Variants in TRPV3 observed in about 807,000 individuals in gnomAD.
TRPV3 encodes the protein transient receptor potential cation channel subfamily V member 3, also known as VRL-3.
In TRPV3, 88 loss-of-function variants were observed where a neutral mutation model predicts 87.1. The observed-to-expected ratio is 1.01, with a 90% confidence interval of 0.85 to 1.21. The LOEUF (loss-of-function observed/expected upper bound fraction) is 1.21. TRPV3 is among the 50% of genes most tolerant of loss of function. TRPV3 has a pLI of 0.00. For missense variants in TRPV3, 1,054 were observed against 1,030.1 expected, an observed-to-expected ratio of 1.02 and a Z score of -0.32; for synonymous variants, 438 against 423.3, an observed-to-expected ratio of 1.03 and a Z score of -0.43.
rs565476308 is a variant in TRPV3 at position 3,537,959 on chromosome 17, G to A, written c.644-2246C>T. Among the ~76,000 whole-genome samples the A allele has an allele frequency of 7.5e-4, 114 of 151,134 alleles. 1 individual carries two copies. Among genetic ancestry groups the A allele is most frequent in the African/African-American group, 2.7e-3 (111 of 41,152 alleles). On this transcript the variant is annotated intron_variant, in intron 6 of 17. Coordinates refer to ENST00000576742, the MANE Select transcript of TRPV3 (RefSeq NM_145068.4). ...CACACCTGTAATCCCAGCACTTTGG[G>A]AGGCTGAGGCGGGCAGATCACGAGG...
At chr17:3,527,880 C>T in intron 11 of TRPV3, 145 bp downstream of exon 11, 1 of 648,432 alleles carries the variant, frequency 1.5e-6, no homozygotes, top group Non-Finnish European at 2.7e-6. Flanking sequence ...TCCATTTTTT[C>T]CCATGTTATA....
In TRPV3 at chr17:3,535,637, G is replaced by C. The variant is rs758510130; in HGVS notation, c.720C>G (p.Asp240Glu). ...IAALLIAAGA[D>E]VNAHAKGAFF... ...AGGCCCCCTTGGCGTGCGCGTTGAC[G>C]TCGGCGCCGGCGGCGATGAGCAGGG... The change falls in exon 7 of 18, where the codon GAC (aspartate) becomes GAG (glutamate). Residue 240 changes from aspartate (D) to glutamate (E), a missense_variant. Coordinates refer to ENST00000576742, the MANE Select transcript of TRPV3 (RefSeq NM_145068.4). 6.2e-7 allele frequency: 1 copy of C among 1,608,864 alleles called. No individual in the cohort carries two copies. The highest frequency in any genetic ancestry group is 1.3e-5 in the African/African-American group (1 of 74,518).
chr17:3,555,064 C>T (rs1380656142), intron 1 of TRPV3, among the ~76,000 whole-genome samples: 2 of 152,180 alleles, frequency 1.3e-5, no homozygotes, highest in Non-Finnish European at 2.9e-5. Context: ...CCCCCAAATG[C>T]TATGGTCCTA....
At chr17:3,520,808 T>C (rs527714490) in intron 14 of TRPV3, among the ~76,000 whole-genome samples, 165 bp downstream of exon 14, 5 of 152,114 alleles carry the variant, frequency 3.3e-5, no homozygotes, top group African/African-American at 4.8e-5. Flanking sequence ...TAATAAAATA[T>C]ATATGTATAT....
Position 3,556,879 on chromosome 17 carries a change from G to A in TRPV3, c.-3+797C>T, listed in dbSNP as rs945039782. On this transcript the variant is annotated intron_variant, in intron 1 of 17. Coordinates refer to ENST00000576742, the MANE Select transcript of TRPV3 (RefSeq NM_145068.4). The surrounding 1 kb of genome is among the most constrained non-coding windows in gnomAD (Gnocchi z 4.2). ...GTGGACTAAAAGGCTGGGATGCACC[G>A]AGCGTGAAGGAGACAGAAGAAGGGC... Among the ~76,000 whole-genome samples the A allele has an allele frequency of 7.9e-5, 12 of 152,164 alleles. No homozygotes were observed. Among genetic ancestry groups the A allele is most frequent in the African/African-American group, 1.9e-4 (8 of 41,440 alleles).
chr17:3,543,537 A>G lies in TRPV3; in HGVS notation c.403T>C (p.Leu135=), dbSNP rs1435420337. The stretch of plus-strand genomic sequence containing the variant: ...TGCAGCTCCACCAGCAACTCTACCA[A>G]CTCCTCCACGCAGCCCTCAGACACG... ...AAVSEGCVEE[L]VELLVELQEL... The change falls in exon 5 of 18, where the codon TTG becomes CTG. Residue 135 remains leucine, a synonymous_variant. Transcript: ENST00000576742. The G allele has an allele frequency of 1.1e-5, 18 of 1,612,656 alleles. No homozygotes were observed. Among genetic ancestry groups the G allele is most frequent in the Non-Finnish European group, 1.4e-5 (17 of 1,179,632 alleles).
intron 2 of TRPV3, among the ~76,000 whole-genome samples, chr17:3,551,793 C>T (rs1242782360): frequency 2.0e-5 from 3 of 151,100 alleles, no homozygotes; most frequent in Non-Finnish European, 2.9e-5. Flanking sequence ...TCCAGACTCC[C>T]TGGTGCCTTT....
rs759649855 is a variant in TRPV3 at position 3,520,995 on chromosome 17, C to T, written c.1788G>A (p.Val596=). Residue 596 remains valine, a synonymous_variant, in exon 14 of 18, where the codon GTG becomes GTA. Transcript: ENST00000576742. ...DVLKFLFVYI[V]FLLGFGVALA... ...TACCTACTCCAAATCCAAGCAAAAA[C>T]ACGATATATACAAACAAGAACTTCA... 32 of 1,606,648 alleles carry T rather than the reference C, an allele frequency of 2.0e-5. No homozygotes were observed. The Admixed American group carries it at 4.7e-4, about 24-fold the overall frequency.
At position 3,528,782 on chromosome 17, in the gene TRPV3, C is replaced by T; in HGVS notation, c.1401+55G>A. The T allele has an allele frequency of 5.0e-6, 8 of 1,606,016 alleles. No individual in the cohort carries two copies. Among genetic ancestry groups the T allele is most frequent in the Non-Finnish European group, 6.8e-6 (8 of 1,175,404 alleles). The stretch of plus-strand genomic sequence containing the variant: ...TTTCCCACCTGCACGTGGGGCAGCT[C>T]CAAGCCCCTCCAGCTCTGACGGCCC... On this transcript the variant is annotated intron_variant, in intron 10 of 17. Transcript: ENST00000576742. The surrounding 1 kb of genome is among the most constrained non-coding windows in gnomAD (Gnocchi z 4.2).
Position 3,513,801 on chromosome 17 carries a change from G to T in TRPV3, c.*116C>A. ...AGCACTGAGCACGAGGGTGCACTCT[G>T]CTTCTAGGCCAGCAGAGCCGGACTC... On this transcript the variant is annotated 3_prime_UTR_variant, in exon 18 of 18. Coordinates refer to ENST00000576742, the MANE Select transcript of TRPV3 (RefSeq NM_145068.4). The T allele has an allele frequency of 1.2e-6, 1 of 861,270 alleles. No individual in the cohort carries two copies. The highest frequency in any genetic ancestry group is 1.9e-6 in the Non-Finnish European group (1 of 532,470). 53.4% of individuals were successfully genotyped at this position (861,270 alleles called of 1,614,324 possible).
chr17:3,513,924 G>C lies in TRPV3; in HGVS notation c.2366C>G (p.Ser789Trp). The change falls in exon 18 of 18, where the codon TCG becomes TGG. Residue 789 changes from serine (S) to tryptophan (W), a missense_variant. By Grantham distance (177) the Ser-to-Trp change is radical. Coordinates refer to ENST00000576742, the MANE Select transcript of TRPV3 (RefSeq NM_145068.4). The part of the protein sequence containing the change: ...FEEVEEFPET[S>W]V ...CAGCTCTGGGTTCCGCTTCTACACC[G>C]AGGTTTCCGGGAATTCCTCGACTTC... The C allele has an allele frequency of 6.2e-7, 1 of 1,614,046 alleles. No individual in the cohort carries two copies. Among genetic ancestry groups the C allele is most frequent in the Non-Finnish European group, 8.5e-7 (1 of 1,179,894 alleles).
chr17:3,551,667 T>C (rs551325604), intron 2 of TRPV3, among the ~76,000 whole-genome samples: 1 of 124,372 alleles, frequency 8.0e-6, no homozygotes, highest in East Asian at 2.1e-4. Context: ...AGTCTGTATC[T>C]CTGTCTCTGG....
At position 3,528,891 on chromosome 17, in the gene TRPV3, G is replaced by T; in HGVS notation, c.1347C>A (p.Phe449Leu). 2 of 1,614,192 alleles carry T rather than the reference G, an allele frequency of 1.2e-6. No individual in the cohort carries two copies. Among genetic ancestry groups the T allele is most frequent in the Non-Finnish European group, 8.5e-7 (1 of 1,180,020 alleles). The change falls in exon 10 of 18, where the codon TTC (phenylalanine) becomes TTA (leucine). Residue 449 changes from phenylalanine to leucine, a missense_variant. Transcript: ENST00000576742. This position sits in a 1 kb window ranked among gnomAD's most constrained non-coding sequence, Gnocchi z 4.2. ...CGAGGGTCAGGGTGATGTTGTAGAA[G>T]AAATAAAAGCAGAAGGACAGAAAGA... The part of the protein sequence containing the change: ...HMFFLSFCFY[F>L]FYNITLTLVS...
intron 6 of TRPV3, among the ~76,000 whole-genome samples, chr17:3,540,523 G>A (rs960595937): frequency 6.6e-6 from 1 of 152,174 alleles, no homozygotes; most frequent in Non-Finnish European, 1.5e-5. Flanking sequence ...AGTCTTCACA[G>A]AAACACTAAC....
At position 3,518,453 on chromosome 17, in the gene TRPV3, T is replaced by C. The variant is rs1357766237; in HGVS notation, c.2085+123A>G. ...GGCCTCCTCAAACCTGGCCACACAC[T>C]GAGGAGCTTGTGCAGATTCTCAGGC... On this transcript the variant is annotated intron_variant, in intron 15 of 17. Transcript: ENST00000576742. This position sits in a 1 kb window ranked among gnomAD's most constrained non-coding sequence, Gnocchi z 4.3. 1 of 1,192,568 alleles carries C rather than the reference T, an allele frequency of 8.4e-7. No homozygotes were observed. The highest frequency in any genetic ancestry group is 2.7e-5 in the Admixed American group (1 of 36,718). The allele number at this position is 1,192,568 out of a possible 1,614,324, so 73.9% of individuals were successfully genotyped here.
Position 3,530,749 on chromosome 17 carries a change from G to A in TRPV3, c.1066-546C>T, listed in dbSNP as rs2074342219. ...ACTCTGCTGCATGTTAGGGCTGCTG[G>A]GAAACTTAGAAATTCCCACAGCATG... On this transcript the variant is annotated intron_variant, in intron 8 of 17. Transcript: ENST00000576742. The surrounding 1 kb of genome is among the most constrained non-coding windows in gnomAD (Gnocchi z 4.0). 6.6e-6 allele frequency among the ~76,000 whole-genome samples: 1 copy of A among 152,100 alleles called. No homozygotes were observed. The highest frequency in any genetic ancestry group is 2.4e-5 in the African/African-American group (1 of 41,408).
Position 3,524,326 on chromosome 17 carries a change from A to G in TRPV3, c.1615T>C (p.Leu539=). The change falls in exon 13 of 18, where the codon TTG becomes CTG. Residue 539 remains leucine (L), a synonymous_variant. Transcript: ENST00000576742. ...TACTCTTTGTAGGCAAACAAGTACA[A>G]GAAGACAGACAGTATCACAAGCACA... The part of the protein sequence containing the change: ...QAVLVILSVF[L]YLFAYKEYLA... 1.2e-6 allele frequency: 2 copies of G among 1,614,280 alleles called. No individual in the cohort carries two copies. Among genetic ancestry groups the G allele is most frequent in the Non-Finnish European group, 1.7e-6 (2 of 1,180,048 alleles).
Position 3,528,787 on chromosome 17 carries a change from C to T in TRPV3, c.1401+50G>A, listed in dbSNP as rs1460930842. 1 of 1,607,824 alleles carries T rather than the reference C, an allele frequency of 6.2e-7. No homozygotes were observed. Among genetic ancestry groups the T allele is most frequent in the Non-Finnish European group, 8.5e-7 (1 of 1,176,624 alleles). On this transcript the variant is annotated intron_variant, in intron 10 of 17. Transcript: ENST00000576742. The surrounding 1 kb of genome is among the most constrained non-coding windows in gnomAD (Gnocchi z 4.2). ...CACCTGCACGTGGGGCAGCTCCAAG[C>T]CCCTCCAGCTCTGACGGCCCCATTT...
At chr17:3,553,434 C>T (rs1276801407) in intron 2 of TRPV3, 1 of 152,742 alleles carries the variant, frequency 6.5e-6, no homozygotes, top group South Asian at 2.1e-4. Flanking sequence ...TGACTGACCC[C>T]CAGGACTCAG....
Sources: allele counts gnomAD v4.1 joint callset (sites outside exome capture counted in the v4.1 genomes callset), GRCh38; gene constraint gnomAD v4.1.1; non-coding constraint Gnocchi (gnomAD v3.1); transcripts MANE v1.5; gene names NCBI Gene and HGNC (gene_info 2026-07-23, HGNC 2026-07-21).